Variants in SOX5 observed in about 807,000 individuals in gnomAD.
The protein encoded by SOX5 is transcription factor SOX-5.
Under a neutral mutation model 92.0 loss-of-function variants are expected in SOX5, and 9 were observed. The observed-to-expected ratio is 0.10, with a 90% confidence interval of 0.06 to 0.17. The LOEUF (loss-of-function observed/expected upper bound fraction) is 0.17, where lower values mean the gene tolerates loss of function less well. SOX5 is among the 10% of genes least tolerant of loss of function. The pLI, the probability that SOX5 is intolerant of heterozygous loss-of-function variation, is 1.00. For synonymous variants in SOX5, 344 were observed against 336.3 expected (o/e 1.02, Z -0.25); for missense variants, 642 against 944.5 (o/e 0.68, Z 4.20).
Position 23,570,931 on chromosome 12 carries a change from ATATATATATATATATATATATATATATAT to A in SOX5, c.1342+4701_1342+4729del, listed in dbSNP as rs1248967897. ...AACTCAAAAAAAAAAAAAAAAAAAA[ATATATATATATATATATATATATATATAT>A]ATATATATATATATATATATATATT... On this transcript the variant is annotated intron_variant, in intron 10 of 14. Coordinates refer to ENST00000451604, the MANE Select transcript of SOX5 (RefSeq NM_006940.6). 6.0e-4 allele frequency among the ~76,000 whole-genome samples: 10 copies of A among 16,804 alleles called. 1 individual carries two copies. In the South Asian group the frequency reaches 0.014, roughly 23 times the overall value. The allele number at this position is 16,804 out of a possible 152,430, so 11.0% of individuals were successfully genotyped here.
intron 6 of SOX5, among the ~76,000 whole-genome samples, chr12:23,693,535 T>A (rs1043077535): frequency 6.6e-6 from 1 of 152,214 alleles, no homozygotes; most frequent in Non-Finnish European, 1.5e-5. Flanking sequence ...TGTTATTCAT[T>A]TTCCCAGATA....
intron 3 of SOX5, among the ~76,000 whole-genome samples, chr12:23,760,478 T>C (rs2094532030): frequency 6.6e-6 from 1 of 152,140 alleles, no homozygotes; most frequent in South Asian, 2.1e-4. Context: ...ATGAGTCTAA[T>C]TGGCTCGCTA....
chr12:23,697,109 G>A (rs572105423), intron 6 of SOX5, among the ~76,000 whole-genome samples: 2 of 152,208 alleles, frequency 1.3e-5, no homozygotes, highest in African/African-American at 4.8e-5. Context: ...AATGAATAGT[G>A]TCATTCAATT....
At position 24,132,275 on chromosome 12, in the gene SOX5, C is replaced by G. The variant is rs145344123; in HGVS notation, c.-2+81068G>C. Among the ~76,000 whole-genome samples, 330 of 152,238 alleles carry G rather than the reference C, an allele frequency of 2.2e-3. 4 individuals are homozygous for G. Among genetic ancestry groups the G allele is most frequent in the African/African-American group, 7.6e-3 (317 of 41,554 alleles). On this transcript the variant is annotated intron_variant, in intron 4 of 4. Transcript: ENST00000446891. ...TAAGAATGATCCTGCTATGTATATC[C>G]TGTGTGCAACTGGTAAGTAAATCAT...
In SOX5 at chr12:23,532,696, C is replaced by A. The variant is rs1939349042; in HGVS notation, c.*1523G>T. On this transcript the variant is annotated 3_prime_UTR_variant, in exon 15 of 15. Coordinates refer to ENST00000451604, the MANE Select transcript of SOX5 (RefSeq NM_006940.6). ...GGGCTGCAATGACTTTTAATTAAATCCTACTTTTTATGGCATGAACTACAT... is the reference window on the plus strand; with the variant it reads ...GGGCTGCAATGACTTTTAATTAAATACTACTTTTTATGGCATGAACTACAT... 1 of 152,348 alleles carries A rather than the reference C, an allele frequency of 6.6e-6. No homozygotes were observed. The highest frequency in any genetic ancestry group is 2.4e-5 in the African/African-American group (1 of 41,442). 9.4% of individuals were successfully genotyped at this position (152,348 alleles called of 1,614,324 possible). A position where few individuals can be genotyped will look rare whatever the true frequency, so the allele number is the denominator to read the frequency against.
intron 4 of SOX5, among the ~76,000 whole-genome samples, chr12:24,020,754 C>G (rs2136675945): frequency 6.6e-6 from 1 of 152,288 alleles, no homozygotes; most frequent in South Asian, 2.1e-4. Flanking sequence ...TTAATCAACT[C>G]CCTCGGAAGG....
In SOX5 at chr12:23,532,569, A is replaced by C. The variant is rs1258785646; in HGVS notation, c.*1650T>G. ...ATCACATTCAGTTGTTGCTCTTTGC[A>C]AATACTCTGCTTGAACCAAAGTTGG... On this transcript the variant is annotated 3_prime_UTR_variant, in exon 15 of 15. Transcript: ENST00000451604. 6.6e-6 allele frequency: 1 copy of C among 152,328 alleles called. No homozygotes were observed. Among genetic ancestry groups the C allele is most frequent in the African/African-American group, 2.4e-5 (1 of 41,462 alleles). The allele number at this position is 152,328 out of a possible 1,614,324, so 9.4% of individuals were successfully genotyped here.
At chr12:24,560,245 T>A (rs1954202104) in intron 1 of SOX5, among the ~76,000 whole-genome samples, 1 of 152,150 alleles carries the variant, frequency 6.6e-6, no homozygotes, top group East Asian at 1.9e-4. Context: ...ACTAAATAAT[T>A]ATGCACATCC....
intron 3 of SOX5, among the ~76,000 whole-genome samples, chr12:23,803,193 C>A (rs761339615): frequency 1.1e-4 from 16 of 152,180 alleles, no homozygotes; most frequent in Middle Eastern, 6.8e-3. Context: ...CTTTCTTGAC[C>A]TCTTTCAAGT....
intron 6 of SOX5, among the ~76,000 whole-genome samples, chr12:23,677,844 C>A (rs1188561319): frequency 2.0e-5 from 3 of 149,764 alleles, no homozygotes; most frequent in Non-Finnish European, 4.5e-5. Context: ...AAGAAGCGTT[C>A]CCGCAAACAA....
intron 9 of SOX5, among the ~76,000 whole-genome samples, chr12:23,592,849 C>T (rs1359917604): frequency 2.0e-5 from 3 of 152,006 alleles, no homozygotes; most frequent in Admixed American, 6.5e-5. Context: ...GAAGCTGAGG[C>T]GTGTGGATCA....
At chr12:23,895,415 G>A (rs970296535) in intron 2 of SOX5, among the ~76,000 whole-genome samples, 1 of 151,746 alleles carries the variant, frequency 6.6e-6, no homozygotes, top group African/African-American at 2.4e-5. Flanking sequence ...TGTTGGAAAT[G>A]TTCAAACTAT....
At chr12:24,231,964 C>A (rs1055665082) in intron 3 of SOX5, among the ~76,000 whole-genome samples, 1 of 152,198 alleles carries the variant, frequency 6.6e-6, no homozygotes, top group Non-Finnish European at 1.5e-5. Flanking sequence ...AACTAGGAAT[C>A]TACTTTAGGG....
intron 1 of SOX5, among the ~76,000 whole-genome samples, chr12:24,449,119 ACT>A (rs1437179607): frequency 6.6e-6 from 1 of 151,916 alleles, no homozygotes. Context: ...TGGATCCTCT[ACT>A]CTCTTTCCTG....
chr12:24,015,863 G>C (rs1953531564), intron 4 of SOX5, among the ~76,000 whole-genome samples: 1 of 151,476 alleles, frequency 6.6e-6, no homozygotes, highest in African/African-American at 2.4e-5. Flanking sequence ...GCAGCCTCCA[G>C]ACTGTTAGCC....
At chr12:24,309,651 G>A (rs1668232342) in intron 2 of SOX5, among the ~76,000 whole-genome samples, 1 of 152,110 alleles carries the variant, frequency 6.6e-6, no homozygotes, top group Non-Finnish European at 1.5e-5. Flanking sequence ...TTTAGCTTGG[G>A]TAGCTTATTT....
intron 1 of SOX5, among the ~76,000 whole-genome samples, chr12:23,941,393 A>G (rs1337450195): frequency 6.6e-6 from 1 of 151,596 alleles, no homozygotes; most frequent in East Asian, 1.9e-4. Flanking sequence ...TATAGGTCAA[A>G]TTAGATCCAT....
intron 1 of SOX5, among the ~76,000 whole-genome samples, chr12:24,538,759 C>T (rs1159164518): frequency 6.6e-6 from 1 of 152,096 alleles, no homozygotes; most frequent in Non-Finnish European, 1.5e-5. Context: ...ATAAACATTA[C>T]TTACTAGCAT....
chr12:23,536,841 G>T (rs1940585495), intron 13 of SOX5, among the ~76,000 whole-genome samples, 172 bp from the exon 14 acceptor site: 1 of 151,868 alleles, frequency 6.6e-6, no homozygotes, highest in Non-Finnish European at 1.5e-5. Flanking sequence ...TGGTGGTTTT[G>T]TACCTAAAGA....
Sources: gnomAD v4.1 joint callset for allele counts (sites outside exome capture counted in the v4.1 genomes callset) on GRCh38, gnomAD v4.1.1 for gene constraint, MANE v1.5 for transcripts, NCBI Gene and HGNC (gene_info 2026-07-23, HGNC 2026-07-21) for gene names.